MTG2: variants seen among roughly 807,000 people sequenced by gnomAD.
MTG2 encodes mitochondrial ribosome associated GTPase 2.
In MTG2, 23 loss-of-function variants were observed where a neutral mutation model predicts 28.6. The observed-to-expected ratio is 0.80, with a 90% confidence interval of 0.58 to 1.14. The LOEUF (loss-of-function observed/expected upper bound fraction) is 1.14, where lower values mean the gene tolerates loss of function less well. Among genes scored for constraint, MTG2 ranks in the 50% most tolerant of loss-of-function variants. MTG2 has a pLI of 0.00. For synonymous variants in MTG2, 260 were observed against 251.8 expected (o/e 1.03, Z -0.31); for missense variants, 539 against 552.0 (o/e 0.98, Z 0.24).
chr20:62,190,747 G>A (rs2057941788), intron 1 of MTG2, among the ~76,000 whole-genome samples: 1 of 152,234 alleles, frequency 6.6e-6, no homozygotes, highest in Non-Finnish European at 1.5e-5. Context: ...TAGCGGTGCA[G>A]CGGCGGCGGC....
Position 62,198,777 on chromosome 20 carries a change from G to GAC in MTG2, c.613_614dup (p.Cys206ProfsTer55). ...TGGCCAACAACAACCGTGCCCCTGT[G>GAC]ACCTGTACCCCTGGACAGCCAGGAC... On this transcript the variant is annotated frameshift_variant, in exon 5 of 7. Transcript: ENST00000370823. LOFTEE classifies it high-confidence loss of function. 6.2e-7 allele frequency: 1 copy of GAC among 1,614,146 alleles called. No individual in the cohort carries two copies. Among genetic ancestry groups the GAC allele is most frequent in the Non-Finnish European group, 8.5e-7 (1 of 1,180,054 alleles).
At chr20:62,197,777 C>A in intron 3 of MTG2, 75 bp from the exon 4 acceptor site, 2 of 1,301,308 alleles carry the variant, frequency 1.5e-6, no homozygotes, top group Non-Finnish European at 2.2e-6. Context: ...GGTTCTTAAA[C>A]TGGACCCAGA....
chr20:62,199,244 C>A lies in MTG2; in HGVS notation c.813C>A (p.His271Gln), dbSNP rs1167019269. Reference sequence around the variant, plus strand: ...TCGGGATCGTCCACTACGAAGGCCACCTACAAATAGCAGGTAGAACTTCCA... The same window carrying A: ...TCGGGATCGTCCACTACGAAGGCCAACTACAAATAGCAGGTAGAACTTCCA... ...PHVGIVHYEGHLQIAVADIPG... is the reference protein window; with the variant it reads ...PHVGIVHYEGQLQIAVADIPG... Residue 271 changes from histidine (H) to glutamine (Q), a missense_variant, in exon 6 of 7, where the codon CAC (histidine) becomes CAA (glutamine). By Grantham distance (24) the His-to-Gln change is conservative. Transcript: ENST00000370823. 2 of 1,611,818 alleles carry A rather than the reference C, an allele frequency of 1.2e-6. No individual in the cohort carries two copies. The highest frequency in any genetic ancestry group is 2.7e-5 in the African/African-American group (2 of 74,884).
chr20:62,194,347 A>T (rs972475540), intron 2 of MTG2, among the ~76,000 whole-genome samples: 29 of 152,164 alleles, frequency 1.9e-4, no homozygotes, highest in African/African-American at 6.8e-4. Context: ...CTTTGGTGGG[A>T]TGTGTGCTCA....
At chr20:62,196,541 A>G (rs2058061998) in intron 3 of MTG2, among the ~76,000 whole-genome samples, 1 of 150,352 alleles carries the variant, frequency 6.7e-6, no homozygotes, top group African/African-American at 2.4e-5. Context: ...ATGTGGTGGC[A>G]CACACTGATA....
chr20:62,185,079 CA>C (rs1409194033), intron 1 of MTG2, among the ~76,000 whole-genome samples: 4 of 151,978 alleles, frequency 2.6e-5, no homozygotes, highest in Non-Finnish European at 5.9e-5. Context: ...CATTGCTCTC[CA>C]ACCTGGGCTA....
chr20:62,187,406 T>C (rs1462568865), intron 1 of MTG2, among the ~76,000 whole-genome samples: 1 of 152,226 alleles, frequency 6.6e-6, no homozygotes, highest in African/African-American at 2.4e-5. Context: ...TTGTGTAAGA[T>C]TGGCACTGTT....
intron 1 of MTG2, among the ~76,000 whole-genome samples, chr20:62,184,169 C>A (rs549692603): frequency 6.6e-6 from 1 of 152,170 alleles, no homozygotes; most frequent in African/African-American, 2.4e-5. Flanking sequence ...CCAGCCTGGC[C>A]AACATGGTGA....
intron 1 of MTG2, among the ~76,000 whole-genome samples, chr20:62,190,822 A>G (rs1210080177): frequency 6.6e-6 from 1 of 152,242 alleles, no homozygotes; most frequent in Non-Finnish European, 1.5e-5. Context: ...CACCTTGTCC[A>G]CAAATCTAAA....
chr20:62,191,035 A>G (rs1265145373), intron 1 of MTG2, among the ~76,000 whole-genome samples: 3 of 152,084 alleles, frequency 2.0e-5, no homozygotes, highest in Non-Finnish European at 4.4e-5. Context: ...AGCTCCATAA[A>G]TATCTTAAAG....
Position 62,197,958 on chromosome 20 carries a change from C to T in MTG2, c.459C>T (p.Leu153=), listed in dbSNP as rs1489978622. The change falls in exon 4 of 7, where the codon CTC becomes CTT. Residue 153 remains leucine (L), a synonymous_variant. Coordinates refer to ENST00000370823, the MANE Select transcript of MTG2 (RefSeq NM_015666.4). ...GCTTCGGGCGCAGTGGCGCCGTCCT[C>T]TACATCCGGGTGAGCCGAGACTGCC... ...KNCFGRSGAV[L]YIRVPVGTLV... 1.2e-6 allele frequency: 2 copies of T among 1,613,860 alleles called. No homozygotes were observed. Among genetic ancestry groups the T allele is most frequent in the Non-Finnish European group, 8.5e-7 (1 of 1,179,808 alleles).
In MTG2 at chr20:62,201,152, TA is replaced by T; in HGVS notation, c.*78del. ...TGTGAATTCGGTGGTTTTGAATGCA[TA>T]AAGTGCCTTGTGGACACGGGGGAGT... On this transcript the variant is annotated 3_prime_UTR_variant, in exon 7 of 7. Coordinates refer to ENST00000370823, the MANE Select transcript of MTG2 (RefSeq NM_015666.4). 3 of 1,456,918 alleles carry T rather than the reference TA, an allele frequency of 2.1e-6. No homozygotes were observed. The highest frequency in any genetic ancestry group is 2.7e-6 in the Non-Finnish European group (3 of 1,105,008). 90.2% of individuals were successfully genotyped at this position (1,456,918 alleles called of 1,614,324 possible).
chr20:62,186,939 G>C (rs1428170559), intron 1 of MTG2, among the ~76,000 whole-genome samples: 1 of 152,160 alleles, frequency 6.6e-6, no homozygotes, highest in Non-Finnish European at 1.5e-5. Flanking sequence ...TTGTTGCATA[G>C]CAGTGGTATG....
At chr20:62,198,274 C>T (rs2058096426) in intron 4 of MTG2, 1 of 519,574 alleles carries the variant, frequency 1.9e-6, no homozygotes, top group Non-Finnish European at 3.5e-6. Flanking sequence ...CATGAGCCGA[C>T]CTCTGACTGA....
chr20:62,193,731 A>G lies in MTG2; in HGVS notation c.204+107A>G, dbSNP rs544139963. 9.4e-6 allele frequency: 10 copies of G among 1,066,240 alleles called. No individual in the cohort carries two copies. In the Middle Eastern group the frequency reaches 9.4e-4, roughly 100 times the overall value. The allele number at this position is 1,066,240 out of a possible 1,614,324, so 66.0% of individuals were successfully genotyped here. Reference sequence around the variant, plus strand: ...TCATCTCTGTTGATGTTAGTTGATGATCTTAGTGATGGGGCACGTGGAGCT... The same window carrying G: ...TCATCTCTGTTGATGTTAGTTGATGGTCTTAGTGATGGGGCACGTGGAGCT... On this transcript the variant is annotated intron_variant, in intron 2 of 6. Transcript: ENST00000370823.
Position 62,200,981 on chromosome 20 carries a change from C to T in MTG2, c.1125C>T (p.Gly375=), listed in dbSNP as rs772563146. 4 of 1,613,852 alleles carry T rather than the reference C, an allele frequency of 2.5e-6. No homozygotes were observed. Among genetic ancestry groups the T allele is most frequent in the Admixed American group, 1.7e-5 (1 of 60,018 alleles). ...TCATCGTGCTGTCGGCGTTGACCGG[C>T]GAGAACCTGGAGCAGCTGCTGTTGC... The part of the protein sequence containing the change: ...QEVIVLSALT[G]ENLEQLLLHL... The change falls in exon 7 of 7, where the codon GGC becomes GGT. Residue 375 remains glycine, a synonymous_variant. Coordinates refer to ENST00000370823, the MANE Select transcript of MTG2 (RefSeq NM_015666.4).
rs149614244 is a variant in MTG2, at chr20:62,186,304, T to C, written c.-6+3247T>C. 3.9e-5 allele frequency among the ~76,000 whole-genome samples: 6 copies of C among 152,268 alleles called. No homozygotes were observed. In the East Asian group the frequency reaches 1.2e-3, roughly 29 times the overall value. On this transcript the variant is annotated intron_variant, in intron 1 of 6. Transcript: ENST00000370823. Reference sequence around the variant, plus strand: ...ACTGAATGAGTTAATCCCTGAAAAATACTTAGAACAGTATTTTGCAAGTAG... The same window carrying C: ...ACTGAATGAGTTAATCCCTGAAAAACACTTAGAACAGTATTTTGCAAGTAG...
rs982021809 is a variant in MTG2, at chr20:62,202,839, C to T, written c.*1762C>T. 8 of 152,074 alleles carry T rather than the reference C, an allele frequency of 5.3e-5. No individual in the cohort carries two copies. The highest frequency in any genetic ancestry group is 1.0e-4 in the Non-Finnish European group (7 of 68,048). 9.4% of individuals were successfully genotyped at this position (152,074 alleles called of 1,614,324 possible). A position where few individuals can be genotyped will look rare whatever the true frequency, so the allele number is the denominator to read the frequency against. On this transcript the variant is annotated 3_prime_UTR_variant, in exon 7 of 7. Transcript: ENST00000370823. Reference sequence around the variant, plus strand: ...CAGCCCTTGGAGGAGAGACGGCAGCCTCAGGTGAGATGAGCCGCAAGGGTC... The same window carrying T: ...CAGCCCTTGGAGGAGAGACGGCAGCTTCAGGTGAGATGAGCCGCAAGGGTC...
chr20:62,198,971 A>G lies in MTG2; in HGVS notation c.687+119A>G, dbSNP rs200684584. 404 of 1,537,956 alleles carry G rather than the reference A, an allele frequency of 2.6e-4. 1 individual carries two copies. In the East Asian group the frequency reaches 8.6e-3, roughly 33 times the overall value. ...CAGCTTTGCGACTCACCTTTTTCCCATCAGTACACTGCTGACTTGGTCGTG... is the reference window on the plus strand; with the variant it reads ...CAGCTTTGCGACTCACCTTTTTCCCGTCAGTACACTGCTGACTTGGTCGTG... On this transcript the variant is annotated intron_variant, in intron 5 of 6. Coordinates refer to ENST00000370823, the MANE Select transcript of MTG2 (RefSeq NM_015666.4).
Sources: gnomAD v4.1 joint callset for allele counts (sites outside exome capture counted in the v4.1 genomes callset) on GRCh38, gnomAD v4.1.1 for gene constraint, MANE v1.5 for transcripts, NCBI Gene and HGNC (gene_info 2026-07-23, HGNC 2026-07-21) for gene names.